Variants in TAFA5 observed in about 807,000 individuals in gnomAD.
TAFA5 encodes the protein chemokine-like protein TAFA-5.
Under a neutral mutation model 15.3 loss-of-function variants are expected in TAFA5, and 6 were observed. The observed-to-expected ratio is 0.39, with a 90% CI of 0.21 to 0.77. TAFA5 has a LOEUF of 0.77. Ranked by LOEUF, TAFA5 falls within the 30% of genes least tolerant of loss-of-function variation. The probability of loss-of-function intolerance (pLI) is 0.41; values close to 1 mark genes in which losing one functional copy is unlikely to be tolerated. For synonymous variants in TAFA5, 103 were observed against 80.7 expected (o/e 1.28, Z -1.48); for missense variants, 161 against 193.1 (o/e 0.83, Z 0.98).
intron 1 of TAFA5, among the ~76,000 whole-genome samples, chr22:48,491,415 C>A (rs999070406): frequency 6.6e-6 from 1 of 152,060 alleles, no homozygotes; most frequent in Non-Finnish European, 1.5e-5. Flanking sequence ...GGGGCTCATT[C>A]AGCAGTGTTT....
At chr22:48,655,932 C>T (rs891439061) in intron 2 of TAFA5, among the ~76,000 whole-genome samples, 1 of 150,312 alleles carries the variant, frequency 6.7e-6, no homozygotes, top group Non-Finnish European at 1.5e-5. Context: ...CTCCGCCTCC[C>T]AGGTTCAAGC....
chr22:48,541,437 C>G (rs780122346), intron 1 of TAFA5, among the ~76,000 whole-genome samples: 3 of 152,180 alleles, frequency 2.0e-5, no homozygotes, highest in Non-Finnish European at 4.4e-5. Context: ...AGGACCCAGA[C>G]TTTTGCTGAA....
chr22:48,666,378 G>A (rs1026608101), intron 2 of TAFA5, among the ~76,000 whole-genome samples: 1 of 152,180 alleles, frequency 6.6e-6, no homozygotes. Context: ...AGAAGGTTTA[G>A]GTTTACAGAA....
At chr22:48,500,483 TGTCCCTGAGCACACAGTGC>T (rs1920945902) in intron 1 of TAFA5, among the ~76,000 whole-genome samples, 1 of 152,174 alleles carries the variant, frequency 6.6e-6, no homozygotes, top group African/African-American at 2.4e-5. Flanking sequence ...GGTGACCAGG[TGTCCCTGAGCACACAGTGC>T]GTGCCGGCCT....
At chr22:48,582,256 C>T (rs1486465346) in intron 1 of TAFA5, among the ~76,000 whole-genome samples, 2 of 151,908 alleles carry the variant, frequency 1.3e-5, no homozygotes, top group African/African-American at 4.8e-5. Flanking sequence ...CCATACACCC[C>T]ACATACTGCA....
chr22:48,700,821 A>G (rs1928882207), intron 2 of TAFA5, among the ~76,000 whole-genome samples: 1 of 152,164 alleles, frequency 6.6e-6, no homozygotes, highest in South Asian at 2.1e-4. Context: ...TATAGCAAAC[A>G]AGTTCAGATG....
chr22:48,498,988 G>T (rs900202616), intron 1 of TAFA5, among the ~76,000 whole-genome samples: 1 of 152,156 alleles, frequency 6.6e-6, no homozygotes, highest in Non-Finnish European at 1.5e-5. Context: ...CCAAGTCCCC[G>T]TCCCGTGCGT....
In TAFA5 at chr22:48,550,755, G is replaced by A. The variant is rs1302711404; in HGVS notation, c.112+61051G>A. Among the ~76,000 whole-genome samples the A allele has an allele frequency of 1.3e-5, 2 of 152,084 alleles. No homozygotes were observed. The highest frequency in any genetic ancestry group is 2.4e-5 in the African/African-American group (1 of 41,410). ...ATCCTGATCCAGGGCCCCCTACTCT[G>A]ATCCACGGGTGTCTGGGCTCCAGAA... On this transcript the variant is annotated intron_variant, in intron 1 of 3. Transcript: ENST00000402357. The surrounding 1 kb of genome is among the most constrained non-coding windows in gnomAD (Gnocchi z 4.1).
chr22:48,579,542 C>T (rs867578626), intron 1 of TAFA5, among the ~76,000 whole-genome samples: 6 of 152,246 alleles, frequency 3.9e-5, no homozygotes, highest in South Asian at 2.1e-4. Flanking sequence ...ACGTGTGTCA[C>T]GGAGACGCGA....
At chr22:48,596,301 G>A (rs1422318653) in intron 1 of TAFA5, among the ~76,000 whole-genome samples, 1 of 152,202 alleles carries the variant, frequency 6.6e-6, no homozygotes, top group African/African-American at 2.4e-5. Flanking sequence ...GTGCCTCCAC[G>A]GCCCGTGTGT....
chr22:48,535,159 T>A (rs1174109019), intron 1 of TAFA5, among the ~76,000 whole-genome samples: 1 of 152,116 alleles, frequency 6.6e-6, no homozygotes, highest in Non-Finnish European at 1.5e-5. Context: ...GCACAGGGTG[T>A]CTTTCCAGGG....
intron 2 of TAFA5, among the ~76,000 whole-genome samples, chr22:48,675,088 C>T (rs1027431090): frequency 7.2e-5 from 11 of 152,154 alleles, no homozygotes; most frequent in African/African-American, 2.6e-4. Context: ...ATTACAGGTG[C>T]CCATCACCAC....
At chr22:48,491,925 G>T (rs1928167271) in intron 1 of TAFA5, among the ~76,000 whole-genome samples, 1 of 152,196 alleles carries the variant, frequency 6.6e-6, no homozygotes, top group Non-Finnish European at 1.5e-5. Context: ...TACCAGAGTA[G>T]CAGAAATAAT....
At chr22:48,677,085 T>C (rs1356011298) in intron 2 of TAFA5, among the ~76,000 whole-genome samples, 1 of 152,272 alleles carries the variant, frequency 6.6e-6, no homozygotes, top group Non-Finnish European at 1.5e-5. Context: ...CATATAAATC[T>C]GTATTAAGAC....
intron 1 of TAFA5, among the ~76,000 whole-genome samples, chr22:48,512,553 A>AGCTGAGATCACACCACTG (rs1339596201): frequency 3.3e-5 from 5 of 151,932 alleles, no homozygotes; most frequent in African/African-American, 9.7e-5. Context: ...GGTTGCAGTG[A>AGCTGAGATCACACCACTG]GCTGAGATCA....
At chr22:48,727,269 A>C (rs1238037451) in intron 3 of TAFA5, among the ~76,000 whole-genome samples, 1 of 152,228 alleles carries the variant, frequency 6.6e-6, no homozygotes, top group Non-Finnish European at 1.5e-5. Context: ...TACTCTGTAT[A>C]TTATGAAAAA....
intron 2 of TAFA5, among the ~76,000 whole-genome samples, chr22:48,656,835 G>C (rs1927270149): frequency 7.1e-6 from 1 of 140,350 alleles, no homozygotes; most frequent in South Asian, 2.5e-4. Flanking sequence ...TGTGATCTCA[G>C]CTCTCTGCAA....
At chr22:48,709,629 G>C (rs1409359989) in intron 3 of TAFA5, among the ~76,000 whole-genome samples, 1 of 152,202 alleles carries the variant, frequency 6.6e-6, no homozygotes, top group Admixed American at 6.5e-5. Context: ...GCCCTTTGAT[G>C]AGCCCCTCCT....
chr22:48,638,859 C>T (rs1339385258), intron 1 of TAFA5, among the ~76,000 whole-genome samples: 1 of 144,410 alleles, frequency 6.9e-6, no homozygotes, highest in African/African-American at 2.7e-5. Flanking sequence ...GGGACCCCGA[C>T]ACTAAGCCCT....
Sources: gnomAD v4.1 joint callset for allele counts (sites outside exome capture counted in the v4.1 genomes callset) on GRCh38, gnomAD v4.1.1 for gene constraint, Gnocchi (gnomAD v3.1) non-coding constraint, MANE v1.5 for transcripts, NCBI Gene and HGNC (gene_info 2026-07-23, HGNC 2026-07-21) for gene names.